The following FUT8 variants were observed in gnomAD, a reference collection of about 807,000 sequenced individuals.
The protein encoded by FUT8 is alpha-(1,6)-fucosyltransferase.
Under a neutral mutation model 71.3 loss-of-function variants are expected in FUT8, and 29 were observed. The observed-to-expected ratio is 0.41, with a 90% CI of 0.30 to 0.55. The LOEUF (loss-of-function observed/expected upper bound fraction) is 0.55. FUT8 is among the 20% of genes least tolerant of loss of function. The pLI is 0.34. For synonymous variants in FUT8, 254 were observed against 239.3 expected, an observed-to-expected ratio of 1.06 and a Z score of -0.57; for missense variants, 544 against 702.1, an observed-to-expected ratio of 0.77 and a Z score of 2.55.
chr14:65,480,697 A>G (rs2066317617), intron 2 of FUT8, among the ~76,000 whole-genome samples: 1 of 143,724 alleles, frequency 7.0e-6, no homozygotes, highest in South Asian at 2.2e-4. Context: ...CTGTAATTCT[A>G]TTTTTTTTTT....
intron 6 of FUT8, among the ~76,000 whole-genome samples, chr14:65,668,434 G>A (rs903968846): frequency 1.3e-5 from 2 of 151,996 alleles, no homozygotes; most frequent in African/African-American, 4.8e-5. Flanking sequence ...CAGTCAATAC[G>A]TATCAAACAT....
chr14:65,392,627 T>G, the FUT8 span, among the ~76,000 whole-genome samples: 1 of 152,198 alleles, frequency 6.6e-6, no homozygotes, highest in South Asian at 2.1e-4. Context: ...AAGTTTGTTT[T>G]GTCACATGAG....
At chr14:65,471,667 C>G (rs1026707738) in intron 2 of FUT8, among the ~76,000 whole-genome samples, 3 of 152,066 alleles carry the variant, frequency 2.0e-5, no homozygotes, top group African/African-American at 4.8e-5. Flanking sequence ...TGTCTTGTCT[C>G]TCCAGGTTTT....
intron 9 of FUT8, among the ~76,000 whole-genome samples, chr14:65,729,767 C>G (rs1186979044): frequency 6.6e-6 from 1 of 152,176 alleles, no homozygotes; most frequent in African/African-American, 2.4e-5. Context: ...GCAGTATCTA[C>G]TTGGACTGCA....
At chr14:65,393,922 G>A in the FUT8 span, among the ~76,000 whole-genome samples, 1 of 152,214 alleles carries the variant, frequency 6.6e-6, no homozygotes, top group African/African-American at 2.4e-5. Flanking sequence ...AGGCAAGACA[G>A]AGTGAGAGCC....
chr14:65,546,894 T>G (rs1885014855), intron 2 of FUT8, among the ~76,000 whole-genome samples: 1 of 151,650 alleles, frequency 6.6e-6, no homozygotes, highest in Non-Finnish European at 1.5e-5. Flanking sequence ...TCAACTTCCT[T>G]AAGCTTTAAG....
intron 3 of FUT8, among the ~76,000 whole-genome samples, chr14:65,575,173 G>A (rs1886688682): frequency 6.6e-6 from 1 of 151,774 alleles, no homozygotes; most frequent in African/African-American, 2.4e-5. Context: ...AAATTTGCAA[G>A]TAGTAAAGAA....
the FUT8 span, among the ~76,000 whole-genome samples, chr14:65,377,776 C>T: frequency 6.6e-6 from 1 of 151,060 alleles, no homozygotes; most frequent in African/African-American, 2.4e-5. Flanking sequence ...CCTGGTATGC[C>T]CCTCCCACCG....
At chr14:65,534,118 A>AC (rs1427244441) in intron 2 of FUT8, among the ~76,000 whole-genome samples, 62 of 151,730 alleles carry the variant, frequency 4.1e-4, no homozygotes, top group African/African-American at 1.4e-3. Context: ...AAACAAAGGT[A>AC]CTTTTTTTTT....
chr14:65,460,824 A>G (rs2065959639), intron 2 of FUT8, among the ~76,000 whole-genome samples: 1 of 152,210 alleles, frequency 6.6e-6, no homozygotes. Flanking sequence ...GTATCATGAT[A>G]AAACAGTTTA....
intron 3 of FUT8, among the ~76,000 whole-genome samples, chr14:65,609,023 A>T (rs1888733732): frequency 6.6e-6 from 1 of 151,864 alleles, no homozygotes. Context: ...GGCCAGGCGC[A>T]GTGGCTCATG....
intron 2 of FUT8, among the ~76,000 whole-genome samples, chr14:65,551,028 A>G (rs1375084369): frequency 6.6e-6 from 1 of 152,160 alleles, no homozygotes; most frequent in African/African-American, 2.4e-5. Context: ...TAAATATTTG[A>G]TATATAATGC....
intron 7 of FUT8, among the ~76,000 whole-genome samples, chr14:65,704,573 C>G (rs1002239267): frequency 3.3e-5 from 5 of 152,004 alleles, no homozygotes; most frequent in Admixed American, 1.3e-4. Context: ...AAAAAAACTC[C>G]CTCAAACGTC....
intron 1 of FUT8, among the ~76,000 whole-genome samples, chr14:65,451,834 C>T (rs774461781): frequency 6.6e-6 from 1 of 152,124 alleles, no homozygotes; most frequent in Non-Finnish European, 1.5e-5. Flanking sequence ...ATCTAGCCAT[C>T]GTCTTGTCTA....
At chr14:65,622,325 A>T (rs575132032) in intron 5 of FUT8, among the ~76,000 whole-genome samples, 2 of 152,344 alleles carry the variant, frequency 1.3e-5, no homozygotes, top group Non-Finnish European at 2.9e-5. Flanking sequence ...GAAGGAAAAT[A>T]TATAAAATAC....
chr14:65,570,875 T>C (rs529396123), intron 3 of FUT8, among the ~76,000 whole-genome samples: 214 of 152,210 alleles, frequency 1.4e-3, no homozygotes, highest in Non-Finnish European at 2.4e-3. Context: ...CCTGTAACAA[T>C]AGCTGAGTCT....
At chr14:65,673,690 T>C (rs879260966) in intron 7 of FUT8, among the ~76,000 whole-genome samples, 19 of 152,306 alleles carry the variant, frequency 1.2e-4, no homozygotes, top group Non-Finnish European at 2.2e-4. Flanking sequence ...AGCTAATGTT[T>C]CCTTTTAAAA....
In FUT8 at chr14:65,545,093, T is replaced by G. The variant is rs562692646; in HGVS notation, c.-227-16244T>G. 1.1e-4 allele frequency among the ~76,000 whole-genome samples: 17 copies of G among 152,146 alleles called. No homozygotes were observed. The South Asian group carries it at 3.5e-3, about 32-fold the overall frequency. ...AATGCTTTTACATAAAGTAAAAGTT[T>G]ATTTCAGCTAGCATTAAAGGACCCT... On this transcript the variant is annotated intron_variant, in intron 2 of 10. Coordinates refer to ENST00000673929, the MANE Select transcript of FUT8 (RefSeq NM_001371533.1).
At chr14:65,377,694 G>A in the FUT8 span, among the ~76,000 whole-genome samples, 2 of 151,422 alleles carry the variant, frequency 1.3e-5, no homozygotes, top group African/African-American at 2.4e-5. Context: ...AGTAGTAATT[G>A]TCAACCTCGA....
Sources: gnomAD v4.1 joint callset for allele counts (sites outside exome capture counted in the v4.1 genomes callset) on GRCh38, gnomAD v4.1.1 for gene constraint, MANE v1.5 for transcripts, NCBI Gene and HGNC (gene_info 2026-07-23, HGNC 2026-07-21) for gene names.